The following PTBP3 variants were observed in gnomAD, a reference collection of about 807,000 sequenced individuals.
The protein encoded by PTBP3 is polypyrimidine tract binding protein 3.
Under a neutral mutation model 58.7 loss-of-function variants are expected in PTBP3, and 20 were observed. The ratio of observed to expected loss-of-function variants is 0.34; its 90% CI spans 0.24 to 0.50. PTBP3 has a LOEUF of 0.50. Among genes scored for constraint, PTBP3 ranks in the 20% least tolerant of loss-of-function variants. The probability of loss-of-function intolerance (pLI) is 0.98; values close to 1 mark genes in which losing one functional copy is unlikely to be tolerated. For missense variants in PTBP3, 509 were observed against 637.2 expected (o/e 0.80, Z 2.17); for synonymous variants, 185 against 219.8 (o/e 0.84, Z 1.40).
the PTBP3 span, among the ~76,000 whole-genome samples, chr9:112,366,869 T>C: frequency 6.6e-6 from 1 of 152,162 alleles, no homozygotes; most frequent in African/African-American, 2.4e-5. Context: ...AATCCTAGCC[T>C]GTGAAAGCAG....
intron 1 of PTBP3, among the ~76,000 whole-genome samples, chr9:112,331,082 AACACACACACACACAC>A (rs10660591): frequency 2.5e-4 from 35 of 139,528 alleles, no homozygotes; most frequent in Non-Finnish European, 3.1e-4. Flanking sequence ...GGAGGAAACG[AACACACACACACACAC>A]ACACACACAC....
At chr9:112,372,824 T>C in the PTBP3 span, among the ~76,000 whole-genome samples, 2 of 152,218 alleles carry the variant, frequency 1.3e-5, no homozygotes, top group Admixed American at 6.5e-5. Context: ...TTGATAGACA[T>C]TTGTTTCCAC....
Position 112,320,314 on chromosome 9 carries a change from A to ATATATTT in PTBP3, c.-52+13155_-52+13156insAAATATA. ...AAAATATATATATATATATATATAT[A>ATATATTT]TTTTTTTTTAAGTGTTATCACCAGA... On this transcript the variant is annotated intron_variant, in intron 1 of 13. Coordinates refer to ENST00000374257, the MANE Select transcript of PTBP3 (RefSeq NM_001163788.4). 2.1e-3 allele frequency among the ~76,000 whole-genome samples: 160 copies of ATATATTT among 75,692 alleles called. 4 individuals carry two copies. The highest frequency in any genetic ancestry group is 9.3e-3 in the African/African-American group (138 of 14,914). 49.7% of individuals were successfully genotyped at this position (75,692 alleles called of 152,430 possible). A position where few individuals can be genotyped will look rare whatever the true frequency, so the allele number is the denominator to read the frequency against.
intron 9 of PTBP3, 74 bp downstream of exon 9, chr9:112,232,014 GAGAAGAAAAGA>G (rs1400271587): frequency 0.16 from 94,366 of 581,692 alleles, 23,088 homozygotes; most frequent in East Asian, 0.26. Flanking sequence ...GAGAAGAGAA[GAGAAGAAAAGA>G]AAAGAAAGAA....
At chr9:112,293,303 G>A (rs1050184357) in intron 2 of PTBP3, among the ~76,000 whole-genome samples, 1 of 152,168 alleles carries the variant, frequency 6.6e-6, no homozygotes, top group African/African-American at 2.4e-5. Context: ...TCTGGATGCT[G>A]ATTATATGGT....
At chr9:112,339,839 T>G in the PTBP3 span, among the ~76,000 whole-genome samples, 9 of 152,306 alleles carry the variant, frequency 5.9e-5, 1 homozygote, top group Admixed American at 5.9e-4. Flanking sequence ...GTGCTGGGAT[T>G]ACAGGTGTCA....
At position 112,222,518 on chromosome 9, in the gene PTBP3, T is replaced by C. The variant is rs945982127; in HGVS notation, c.*1333A>G. 4.1e-6 allele frequency: 4 copies of C among 985,494 alleles called. No individual in the cohort carries two copies. The highest frequency in any genetic ancestry group is 4.8e-6 in the Non-Finnish European group (4 of 829,874). The allele number at this position is 985,494 out of a possible 1,614,324, so 61.0% of individuals were successfully genotyped here. On this transcript the variant is annotated 3_prime_UTR_variant, in exon 14 of 14. Coordinates refer to ENST00000374257, the MANE Select transcript of PTBP3 (RefSeq NM_001163788.4). ...TGCACTCTACAGCCCCAAATTGATA[T>C]GCAATAACCCCTATCAGTCACAATG... is the stretch of plus-strand genomic sequence containing the variant.
intron 5 of PTBP3, among the ~76,000 whole-genome samples, chr9:112,258,253 G>A (rs551949627): frequency 2.0e-5 from 3 of 152,310 alleles, no homozygotes; most frequent in African/African-American, 7.2e-5. Flanking sequence ...ATCGTTATGA[G>A]CTACTTCTTT....
At chr9:112,333,721 C>G (rs1332074873), upstream of PTBP3, 2 of 376,098 alleles carry the variant, frequency 5.3e-6, no homozygotes, top group East Asian at 4.2e-5. Context: ...GCCCCCTCAC[C>G]GTCCCCGCCC....
chr9:112,234,946 C>A, intron 7 of PTBP3, 49 bp from the exon 8 acceptor site: 2 of 1,475,872 alleles, frequency 1.4e-6, no homozygotes, highest in East Asian at 2.3e-5. Context: ...CTATAAATAT[C>A]GTTATCAAAG....
At chr9:112,296,914 A>G (rs1037539807) in intron 2 of PTBP3, among the ~76,000 whole-genome samples, 1 of 152,164 alleles carries the variant, frequency 6.6e-6, no homozygotes, top group Non-Finnish European at 1.5e-5. Context: ...TTTATCTTCT[A>G]TAAGTTATTC....
At chr9:112,368,460 C>T in the PTBP3 span, among the ~76,000 whole-genome samples, 13 of 152,116 alleles carry the variant, frequency 8.5e-5, no homozygotes, top group Admixed American at 3.3e-4. Flanking sequence ...TGTGAGCCAC[C>T]GTGCCCAGCC....
At chr9:112,236,704 A>G (rs1835451903) in intron 7 of PTBP3, among the ~76,000 whole-genome samples, 1 of 152,110 alleles carries the variant, frequency 6.6e-6, no homozygotes, top group Non-Finnish European at 1.5e-5. Flanking sequence ...ACTGGGCTTG[A>G]TCATGTCATG....
At position 112,293,644 on chromosome 9, in the gene PTBP3, C is replaced by G. The variant is rs139449147; in HGVS notation, c.34+4188G>C. 8.2e-3 allele frequency among the ~76,000 whole-genome samples: 1,247 copies of G among 152,320 alleles called. 6 individuals are homozygous for G. The highest frequency in any genetic ancestry group is 0.011 in the Non-Finnish European group (759 of 68,034). On this transcript the variant is annotated intron_variant, in intron 2 of 13. Coordinates refer to ENST00000374257, the MANE Select transcript of PTBP3 (RefSeq NM_001163788.4). ...CTAACAGAATGAGAAAAAAGTGCAA[C>G]TTCTCAGTCTTGTCCCTACAATGGA...
intron 1 of PTBP3, among the ~76,000 whole-genome samples, chr9:112,310,160 T>C (rs1829417430): frequency 6.6e-6 from 1 of 152,232 alleles, no homozygotes; most frequent in Non-Finnish European, 1.5e-5. Context: ...GTTGAGATTC[T>C]AGGGCAGTGG....
chr9:112,352,740 G>A, the PTBP3 span, among the ~76,000 whole-genome samples: 1 of 152,188 alleles, frequency 6.6e-6, no homozygotes, highest in South Asian at 2.1e-4. Context: ...TCCTTGATTT[G>A]GGTACAAATT....
At chr9:112,243,132 A>C (rs1287060743) in intron 7 of PTBP3, among the ~76,000 whole-genome samples, 1 of 29,600 alleles carries the variant, frequency 3.4e-5, no homozygotes, top group East Asian at 5.1e-4. Flanking sequence ...CTTACAGCTT[A>C]AAAAAAAAAA....
intron 1 of PTBP3, among the ~76,000 whole-genome samples, chr9:112,329,401 G>A (rs4292764): frequency 0.019 from 2,848 of 151,864 alleles, 91 homozygotes; most frequent in African/African-American, 0.063. Context: ...GGGCAACAGG[G>A]AGGCTCCGCC....
chr9:112,234,893 T>C lies in PTBP3; in HGVS notation c.807A>G (p.Ala269=), dbSNP rs755359272. ...CATATGGTGAAGAAATTATACCCGG[T>C]GCACCTAATGGGAAAGAGAAGCTAA... ...LEPPMAAAFG[A]PGIISSPYAG... is the part of the protein sequence containing the mutation. The change falls in exon 8 of 14, where the codon GCA becomes GCG. Residue 269 remains alanine (A), a synonymous_variant. Transcript: ENST00000374257. 19 of 1,611,422 alleles carry C rather than the reference T, an allele frequency of 1.2e-5. No homozygotes were observed. The Admixed American group carries it at 3.2e-4, about 27-fold the overall frequency.
Sources: allele counts gnomAD v4.1 joint callset (sites outside exome capture counted in the v4.1 genomes callset), GRCh38; gene constraint gnomAD v4.1.1; transcripts MANE v1.5; gene names NCBI Gene and HGNC (gene_info 2026-07-23, HGNC 2026-07-21).